The following MME variants were observed in gnomAD, a reference collection of about 807,000 sequenced individuals.
MME encodes the protein membrane metalloendopeptidase.
In MME, 98 loss-of-function variants were observed where a neutral mutation model predicts 113.2. The ratio of observed to expected loss-of-function variants is 0.87; its 90% CI spans 0.74 to 1.02. The LOEUF is 1.02. MME is among the 50% of genes least tolerant of loss of function. MME has a pLI of 0.00. For missense variants in MME, 836 were observed against 896.0 expected, an observed-to-expected ratio of 0.93 and a Z score of 0.86; for synonymous variants, 292 against 300.6, an observed-to-expected ratio of 0.97 and a Z score of 0.30.
Position 155,181,190 on chromosome 3 carries a change from T to C in MME, c.*731T>C, listed in dbSNP as rs1364515201. ...GGTATTTTTCAGAGATTTATATAAA[T>C]GTAAAAATAATAATTTTTATATTTA... On this transcript the variant is annotated 3_prime_UTR_variant, in exon 23 of 23. Coordinates refer to ENST00000360490, the MANE Select transcript of MME (RefSeq NM_007289.4). 1.3e-5 allele frequency: 2 copies of C among 151,944 alleles called. No homozygotes were observed. Among genetic ancestry groups the C allele is most frequent in the Admixed American group, 6.6e-5 (1 of 15,260 alleles). 9.4% of individuals were successfully genotyped at this position (151,944 alleles called of 1,614,324 possible). A position where few individuals can be genotyped will look rare whatever the true frequency, so the allele number is the denominator to read the frequency against.
At chr3:155,070,036 G>A (rs1463063203) in intron 1 of MME, among the ~76,000 whole-genome samples, 2 of 152,148 alleles carry the variant, frequency 1.3e-5, no homozygotes. Flanking sequence ...ACAGGTGGAC[G>A]ATGCAAACAG....
Position 155,038,012 on chromosome 3 carries a change from A to G in MME, c.-11+13688A>G, listed in dbSNP as rs544035602. ...TATGTGTAATGAAACAGATAGTCTA[A>G]TGAAAGAGAAAATATTGATGATGTA... On this transcript the variant is annotated intron_variant, in intron 1 of 22. Coordinates refer to the MME transcript ENST00000492661. Among the ~76,000 whole-genome samples the G allele has an allele frequency of 2.0e-5, 3 of 152,278 alleles. No homozygotes were observed. In the South Asian group the frequency reaches 6.2e-4, roughly 32 times the overall value.
intron 3 of MME, among the ~76,000 whole-genome samples, chr3:155,107,370 A>T (rs973972249): frequency 6.6e-6 from 1 of 151,600 alleles, no homozygotes; most frequent in Admixed American, 6.6e-5. Flanking sequence ...AAAAAAAAAA[A>T]GGAATAGTCA....
intron 1 of MME, among the ~76,000 whole-genome samples, chr3:155,063,680 A>ATATTATATT (rs1714273494): frequency 7.8e-6 from 1 of 127,400 alleles, no homozygotes; most frequent in Non-Finnish European, 1.6e-5. Context: ...ATATTATATT[A>ATATTATATT]TATTATATTA....
chr3:155,064,088 A>G (rs183443684), intron 1 of MME, among the ~76,000 whole-genome samples: 1 of 151,976 alleles, frequency 6.6e-6, no homozygotes, highest in Admixed American at 6.6e-5. Context: ...GTCAGGAGTT[A>G]GAGACCAGCC....
Position 155,116,903 on chromosome 3 carries a change from C to G in MME, c.571C>G (p.Leu191Val), listed in dbSNP as rs202191484. 1 of 1,612,386 alleles carries G rather than the reference C, an allele frequency of 6.2e-7. No individual in the cohort carries two copies. The highest frequency in any genetic ancestry group is 2.2e-5 in the East Asian group (1 of 44,774). ...GACAGCTGAAAAAGCTATTGCACAA[C>G]TGAATTCTAAATATGGGAAAAAAGT... ...SWTAEKAIAQLNSKYGKKVLI... is the reference protein window; with the variant it reads ...SWTAEKAIAQVNSKYGKKVLI... Residue 191 changes from leucine (L) to valine (V), a missense_variant, in exon 7 of 23, where the codon CTG becomes GTG. Transcript: ENST00000360490.
At chr3:155,079,889 G>C (rs1485329662), upstream of MME, 1 of 152,248 alleles carries the variant, frequency 6.6e-6, no homozygotes, top group Non-Finnish European at 1.5e-5. Context: ...GCGGATGCAC[G>C]GACTGAGAGG....
In MME at chr3:155,044,493, A is replaced by T. The variant is rs539516085; in HGVS notation, c.-11+20169A>T. 8.5e-5 allele frequency among the ~76,000 whole-genome samples: 13 copies of T among 152,070 alleles called. 1 individual carries two copies. The highest frequency in any genetic ancestry group is 3.1e-4 in the African/African-American group (13 of 41,492). On this transcript the variant is annotated intron_variant, in intron 1 of 22. Transcript: ENST00000492661. ...AGCAGCTTCTTTACTGTTGAGAAAG[A>T]TTATATATTATTATTGCTTTTTTAA...
At position 155,182,426 on chromosome 3, in the gene MME, C is replaced by T. The variant is rs1333757851; in HGVS notation, c.*1967C>T. The T allele has an allele frequency of 6.6e-6, 1 of 152,168 alleles. No individual in the cohort carries two copies. The highest frequency in any genetic ancestry group is 2.4e-5 in the African/African-American group (1 of 41,462). 9.4% of individuals were successfully genotyped at this position (152,168 alleles called of 1,614,324 possible). ...CTTTAATGGACTTATTTCTTCAAAT[C>T]CTTCCAAAAATTATTATAAGCATTG... On this transcript the variant is annotated 3_prime_UTR_variant, in exon 23 of 23. Coordinates refer to ENST00000360490, the MANE Select transcript of MME (RefSeq NM_007289.4).
intron 1 of MME, among the ~76,000 whole-genome samples, chr3:155,033,922 AATT>A (rs1451520745): frequency 2.0e-5 from 3 of 152,168 alleles, no homozygotes; most frequent in African/African-American, 7.2e-5. Flanking sequence ...TATAGAATTC[AATT>A]ACACCTACAC....
chr3:155,043,047 T>G (rs1713416920), intron 1 of MME, among the ~76,000 whole-genome samples: 1 of 148,004 alleles, frequency 6.8e-6, no homozygotes, highest in Non-Finnish European at 1.5e-5. Flanking sequence ...TTAATTTTGT[T>G]TTTTACAAAA....
intron 1 of MME, among the ~76,000 whole-genome samples, chr3:155,044,901 G>C (rs1409470496): frequency 6.6e-6 from 1 of 151,632 alleles, no homozygotes; most frequent in East Asian, 1.9e-4. Context: ...TTAAATACAT[G>C]CATATTAATA....
At chr3:155,045,423 C>T (rs1286971335) in intron 1 of MME, among the ~76,000 whole-genome samples, 1 of 152,060 alleles carries the variant, frequency 6.6e-6, no homozygotes, top group East Asian at 1.9e-4. Context: ...TCTGGGATTA[C>T]AGGTGTGAGC....
At chr3:155,133,111 T>C in intron 8 of MME, among the ~76,000 whole-genome samples, 1 of 141,520 alleles carries the variant, frequency 7.1e-6, no homozygotes, top group African/African-American at 2.6e-5. Context: ...TCATGACAAT[T>C]ATCATCATTT....
At position 155,181,381 on chromosome 3, in the gene MME, A is replaced by G. The variant is rs967282573; in HGVS notation, c.*922A>G. The G allele has an allele frequency of 6.6e-6, 1 of 152,130 alleles. No individual in the cohort carries two copies. 9.4% of individuals were successfully genotyped at this position (152,130 alleles called of 1,614,324 possible). On this transcript the variant is annotated 3_prime_UTR_variant, in exon 23 of 23. Coordinates refer to ENST00000360490, the MANE Select transcript of MME (RefSeq NM_007289.4). Reference sequence around the variant, plus strand: ...CATATTGATGAAAAGATTTAAGCACAAACTTTAGGGTAAAAATTGCCATTG... The same window carrying G: ...CATATTGATGAAAAGATTTAAGCACGAACTTTAGGGTAAAAATTGCCATTG...
intron 1 of MME, 153 bp from the exon 2 acceptor site, chr3:155,084,005 A>G (rs2108165896): frequency 1.5e-6 from 1 of 683,748 alleles, no homozygotes; most frequent in Non-Finnish European, 2.5e-6. Context: ...TATACTTTGC[A>G]TTCAGCAACA....
intron 3 of MME, 45 bp downstream of exon 3, chr3:155,085,139 A>G: frequency 8.2e-7 from 1 of 1,220,966 alleles, no homozygotes; most frequent in Non-Finnish European, 1.2e-6. Flanking sequence ...ACTGATGTAT[A>G]ATATTTAAAA....
At chr3:155,169,926 G>A (rs1711725776) in intron 20 of MME, among the ~76,000 whole-genome samples, 1 of 152,162 alleles carries the variant, frequency 6.6e-6, no homozygotes, top group Non-Finnish European at 1.5e-5. Context: ...TGTGAAGCTT[G>A]GGAGATTAAG....
chr3:155,149,218 T>G (rs61758208), intron 16 of MME, among the ~76,000 whole-genome samples: 3,311 of 152,302 alleles, frequency 0.022, 66 homozygotes, highest in East Asian at 0.11. Context: ...TTAGTTTAGA[T>G]TTTATTTTTT....
Sources: allele counts gnomAD v4.1 joint callset (sites outside exome capture counted in the v4.1 genomes callset), GRCh38; gene constraint gnomAD v4.1.1; transcripts MANE v1.5; gene names NCBI Gene and HGNC (gene_info 2026-07-23, HGNC 2026-07-21).